The following TASP1 variants were observed in gnomAD, a reference collection of about 807,000 sequenced individuals.
TASP1 encodes threonine aspartase 1.
In TASP1, 16 loss-of-function variants were observed where a neutral mutation model predicts 56.6. The observed-to-expected ratio is 0.28, with a 90% CI of 0.19 to 0.43. TASP1 has a LOEUF of 0.43. TASP1 is among the 20% of genes least tolerant of loss of function. The pLI is 1.00. For synonymous variants in TASP1, 179 were observed against 184.2 expected (o/e 0.97, Z 0.23); for missense variants, 393 against 511.6 (o/e 0.77, Z 2.24).
intron 10 of TASP1, among the ~76,000 whole-genome samples, chr20:13,504,534 G>A (rs1021492453): frequency 3.9e-5 from 6 of 152,096 alleles, no homozygotes; most frequent in Admixed American, 6.6e-5. Context: ...TATAAAACTC[G>A]TTGGTGAAGG....
chr20:13,319,096 GA>G, the TASP1 span, among the ~76,000 whole-genome samples: 1 of 152,196 alleles, frequency 6.6e-6, no homozygotes, highest in East Asian at 1.9e-4. Context: ...TCGATAGTCA[GA>G]GAGAGTATGT....
chr20:13,472,718 G>A (rs6105111), intron 11 of TASP1, among the ~76,000 whole-genome samples: 3,345 of 151,100 alleles, frequency 0.022, 215 homozygotes, highest in African/African-American at 0.064. Flanking sequence ...TATGCAGCCA[G>A]CAGACACATG....
chr20:13,611,310 T>C (rs892681755), intron 4 of TASP1, among the ~76,000 whole-genome samples: 5 of 152,200 alleles, frequency 3.3e-5, no homozygotes, highest in African/African-American at 9.6e-5. Flanking sequence ...ATTTCACTCC[T>C]GGGACTAAAA....
At chr20:13,222,043 A>AT in the TASP1 span, 1 of 937,242 alleles carries the variant, frequency 1.1e-6, no homozygotes, top group East Asian at 3.4e-5. Context: ...CTGTTTTGGC[A>AT]GTAGTTTTGC....
At position 13,482,540 on chromosome 20, in the gene TASP1, T is replaced by A. The variant is rs905580575; in HGVS notation, c.985+687A>T. On this transcript the variant is annotated intron_variant, in intron 11 of 13. Coordinates refer to ENST00000337743, the MANE Select transcript of TASP1 (RefSeq NM_017714.3). ...TATTGATTCTTCCAATCCATACACA[T>A]GAAGTATTTTTCCATTTTTTTGTTG... Among the ~76,000 whole-genome samples the A allele has an allele frequency of 3.3e-5, 5 of 152,200 alleles. No homozygotes were observed. The East Asian group carries it at 9.6e-4, about 29-fold the overall frequency.
chr20:13,286,247 A>C, the TASP1 span, among the ~76,000 whole-genome samples: 3 of 151,588 alleles, frequency 2.0e-5, no homozygotes. Flanking sequence ...ACAAGTGTGC[A>C]ATTGTGTGCT....
At chr20:13,224,897 G>C in the TASP1 span, among the ~76,000 whole-genome samples, 4 of 143,036 alleles carry the variant, frequency 2.8e-5, no homozygotes, top group African/African-American at 7.9e-5. Context: ...CCAGGCTGGA[G>C]TGCAGTGGCG....
chr20:13,341,901 T>C, the TASP1 span, among the ~76,000 whole-genome samples: 2 of 152,190 alleles, frequency 1.3e-5, no homozygotes, highest in Non-Finnish European at 2.9e-5. Context: ...CTAGCAGGTG[T>C]TCTCCTCCTC....
chr20:13,392,815 C>T, intron 13 of TASP1: 1 of 637,162 alleles, frequency 1.6e-6, no homozygotes, highest in Non-Finnish European at 2.9e-6. Context: ...CTACATGTTC[C>T]CATATGATTC....
chr20:13,633,626 T>C (rs2049180407), intron 1 of TASP1, among the ~76,000 whole-genome samples: 1 of 152,140 alleles, frequency 6.6e-6, no homozygotes, highest in African/African-American at 2.4e-5. Context: ...ATCATGAATG[T>C]AGCTTATCAT....
the TASP1 span, among the ~76,000 whole-genome samples, chr20:13,365,892 A>G: frequency 6.6e-6 from 1 of 152,182 alleles, no homozygotes; most frequent in South Asian, 2.1e-4. Flanking sequence ...GTTAGAAGGC[A>G]GAAGATGAGA....
chr20:13,321,356 A>G, the TASP1 span, among the ~76,000 whole-genome samples: 1 of 151,642 alleles, frequency 6.6e-6, no homozygotes, highest in African/African-American at 2.4e-5. Context: ...ATGAATACTG[A>G]TGACAATTGT....
chr20:13,199,717 T>C, the TASP1 span, among the ~76,000 whole-genome samples: 1 of 152,200 alleles, frequency 6.6e-6, no homozygotes, highest in Non-Finnish European at 1.5e-5. Flanking sequence ...AGTTGAATCT[T>C]AAACCCTTCT....
chr20:13,605,643 C>T (rs371585607), intron 4 of TASP1, among the ~76,000 whole-genome samples: 9 of 151,758 alleles, frequency 5.9e-5, no homozygotes, highest in East Asian at 3.9e-4. Context: ...TGCACCACTG[C>T]GCTCCAGCCT....
chr20:13,612,975 G>C (rs376628887), intron 4 of TASP1, among the ~76,000 whole-genome samples: 5 of 152,290 alleles, frequency 3.3e-5, no homozygotes, highest in African/African-American at 1.2e-4. Context: ...GGATGGGTTT[G>C]AAGGATGTAA....
intron 10 of TASP1, among the ~76,000 whole-genome samples, chr20:13,500,562 T>C (rs561683171): frequency 4.6e-5 from 7 of 151,588 alleles, no homozygotes; most frequent in African/African-American, 1.5e-4. Flanking sequence ...GATGGGAAAC[T>C]CCAACATAGA....
Position 13,439,495 on chromosome 20 carries a change from G to A in TASP1, c.986-4341C>T, listed in dbSNP as rs1231959641. Among the ~76,000 whole-genome samples the A allele has an allele frequency of 3.9e-5, 6 of 152,204 alleles. 1 individual carries two copies. The highest frequency in any genetic ancestry group is 4.2e-4 in the South Asian group (2 of 4,816). ...CACAGGAAGGGGAACATCACACACC[G>A]GGGCCTGTTGTGGGGTCGGGGGAGT... On this transcript the variant is annotated intron_variant, in intron 11 of 13. Transcript: ENST00000337743.
At chr20:13,611,867 AC>A (rs1367150681) in intron 4 of TASP1, among the ~76,000 whole-genome samples, 35 of 152,322 alleles carry the variant, frequency 2.3e-4, no homozygotes, top group African/African-American at 7.5e-4. Flanking sequence ...CCTCATTTTT[AC>A]ATGTTGACAA....
At chr20:13,509,905 C>T (rs767243548) in intron 10 of TASP1, among the ~76,000 whole-genome samples, 1 of 152,088 alleles carries the variant, frequency 6.6e-6, no homozygotes, top group Non-Finnish European at 1.5e-5. Flanking sequence ...GGATTACAGG[C>T]GTGAGCCACC....
Sources: gnomAD v4.1 joint callset for allele counts (sites outside exome capture counted in the v4.1 genomes callset) on GRCh38, gnomAD v4.1.1 for gene constraint, MANE v1.5 for transcripts, NCBI Gene and HGNC (gene_info 2026-07-23, HGNC 2026-07-21) for gene names.